ASMTL: variants seen among roughly 807,000 people sequenced by gnomAD.
The protein encoded by ASMTL is acetylserotonin O-methyltransferase like.
ASMTL carries 57 observed loss-of-function variants against 60.3 expected under a neutral mutation model. That is an observed-to-expected ratio of 0.95 (90% CI 0.76 to 1.18). The LOEUF (loss-of-function observed/expected upper bound fraction) is 1.18. ASMTL is among the 50% of genes most tolerant of loss of function. The pLI is 0.00. For synonymous variants in ASMTL, 419 were observed against 373.0 expected, an observed-to-expected ratio of 1.12 and a Z score of -1.42; for missense variants, 981 against 852.6, an observed-to-expected ratio of 1.15 and a Z score of -1.88.
intron 12 of ASMTL, among the ~76,000 whole-genome samples, chrX:1,408,057 A>C (rs761532060): frequency 2.0e-4 from 31 of 151,596 alleles, no homozygotes; most frequent in African/African-American, 7.3e-4. Flanking sequence ...AAACCCTAAC[A>C]GGGCATGATA....
chrX:1,431,451 A>G (rs181430052), intron 6 of ASMTL, among the ~76,000 whole-genome samples: 31,237 of 129,310 alleles, frequency 0.24, 4,062 homozygotes, highest in Non-Finnish European at 0.3. Context: ...ATAACAGTAT[A>G]TATTATAATA....
At chrX:1,451,189 A>T (rs868304289) in intron 1 of ASMTL, among the ~76,000 whole-genome samples, 4 of 3,244 alleles carry the variant, frequency 1.2e-3, no homozygotes, top group East Asian at 0.042. Context: ...GGGTCCTGGG[A>T]CACTCCTCCC....
chrX:1,413,181 G>A (rs1325903927), intron 11 of ASMTL: 3 of 304,506 alleles, frequency 9.9e-6, no homozygotes, highest in East Asian at 5.7e-5. Context: ...TGGGCAACAC[G>A]GCGAAACCCC....
chrX:1,434,933 G>A lies in ASMTL; in HGVS notation c.400+89C>T, dbSNP rs754144019. ...CCTCCACAGGTGGGGGTGAGCAACC[G>A]TCCTCCTCCCTCAAGCCAAGGGTCC... On this transcript the variant is annotated intron_variant, in intron 5 of 12. Transcript: ENST00000381317. 3.6e-4 allele frequency: 523 copies of A among 1,442,784 alleles called. 2 individuals carry two copies. In the South Asian group the frequency reaches 4.9e-3, roughly 14 times the overall value. 89.4% of individuals were successfully genotyped at this position (1,442,784 alleles called of 1,614,324 possible). A position where few individuals can be genotyped will look rare whatever the true frequency, so the allele number is the denominator to read the frequency against.
chrX:1,434,211 C>A (rs1246618172), intron 5 of ASMTL, among the ~76,000 whole-genome samples: 6 of 152,114 alleles, frequency 3.9e-5, no homozygotes, highest in Non-Finnish European at 1.5e-5. Flanking sequence ...ACCTGCAGTC[C>A]CAGCAATATG....
chrX:1,439,762 G>A (rs2091060845), intron 2 of ASMTL, among the ~76,000 whole-genome samples: 1 of 151,078 alleles, frequency 6.6e-6, no homozygotes, highest in Non-Finnish European at 1.5e-5. Context: ...CTTGAACCTA[G>A]GAGGCGGAGG....
At position 1,427,941 on chromosome X, in the gene ASMTL, C is replaced by T. The variant is rs751162368; in HGVS notation, c.690G>A (p.Pro230=). Residue 230 remains proline, a synonymous_variant, in exon 7 of 13, where the codon CCG becomes CCA. Coordinates refer to ENST00000381317, the MANE Select transcript of ASMTL (RefSeq NM_004192.4). The part of the protein sequence containing the change: ...LRRSVKHDSI[P]AADTFEDLSD... ...TGAGGTCTTCGAAGGTGTCCGCGGC[C>T]GGGATGGAGTCGTGCTTGACACTCC... 1.5e-5 allele frequency: 25 copies of T among 1,613,310 alleles called. No individual in the cohort carries two copies. Among genetic ancestry groups the T allele is most frequent in the South Asian group, 7.7e-5 (7 of 91,072 alleles).
intron 1 of ASMTL, among the ~76,000 whole-genome samples, chrX:1,447,824 G>C (rs2091261885): frequency 6.8e-6 from 1 of 147,212 alleles, no homozygotes; most frequent in Non-Finnish European, 1.5e-5. Context: ...CAGCTATCTT[G>C]GATAAGCACT....
intron 1 of ASMTL, among the ~76,000 whole-genome samples, chrX:1,449,030 C>G (rs770080934): frequency 6.6e-6 from 1 of 152,102 alleles, no homozygotes; most frequent in East Asian, 1.9e-4. Flanking sequence ...CATCCCAAGC[C>G]CAAGATAACC....
At chrX:1,452,538 G>A (rs1432629542) in intron 1 of ASMTL, among the ~76,000 whole-genome samples, 1 of 149,054 alleles carries the variant, frequency 6.7e-6, no homozygotes, top group African/African-American at 2.5e-5. Context: ...AGGGGGTTCC[G>A]GGTTACTCTC....
chrX:1,441,832 G>A (rs1323214861), intron 2 of ASMTL: 2 of 234,104 alleles, frequency 8.5e-6, no homozygotes, highest in African/African-American at 4.5e-5. Context: ...CATAGTAATA[G>A]ATAAGCTACA....
chrX:1,434,004 G>C (rs1253192478), intron 5 of ASMTL, among the ~76,000 whole-genome samples: 1 of 152,196 alleles, frequency 6.6e-6, no homozygotes, highest in Non-Finnish European at 1.5e-5. Context: ...GGGATATGGG[G>C]CTGGGATTGT....
intron 3 of ASMTL, among the ~76,000 whole-genome samples, chrX:1,437,792 G>A (rs1434195295): frequency 6.6e-6 from 1 of 151,512 alleles, no homozygotes; most frequent in African/African-American, 2.4e-5. Context: ...CGCTACTCGG[G>A]AGGCTGAGGC....
At chrX:1,421,232 C>A (rs1278186984) in intron 9 of ASMTL, among the ~76,000 whole-genome samples, 1 of 152,046 alleles carries the variant, frequency 6.6e-6, no homozygotes, top group Non-Finnish European at 1.5e-5. Context: ...CCCAAACTAG[C>A]TGGGATTACA....
upstream of ASMTL, chrX:1,452,910 C>A: frequency 8.0e-7 from 1 of 1,243,036 alleles, no homozygotes. Flanking sequence ...AGCGCGGCTG[C>A]AAAAAAAACA....
chrX:1,452,917 A>C, upstream of ASMTL: 4 of 1,219,236 alleles, frequency 3.3e-6, no homozygotes, highest in Non-Finnish European at 4.4e-6. Context: ...CTGCAAAAAA[A>C]ACAGGCGGCC....
Position 1,419,037 on chromosome X carries a change from G to C in ASMTL, c.1323C>G (p.Cys441Trp), listed in dbSNP as rs2090398041. Residue 441 changes from cysteine to tryptophan, a missense_variant, in exon 10 of 13, where the codon TGC becomes TGG. By Grantham distance (215) the Cys-to-Trp change is radical (BLOSUM62 -2). Coordinates refer to ENST00000381317, the MANE Select transcript of ASMTL (RefSeq NM_004192.4). Reference sequence around the variant, plus strand: ...ACAGATTGAAGGCCGTGGCCACCTGGCACGCAGTCAGCTTCGTCATGCCGT... The same window carrying C: ...ACAGATTGAAGGCCGTGGCCACCTGCCACGCAGTCAGCTTCGTCATGCCGT... ...AMHGMTKLTA[C>W]QVATAFNLSR... 1.6e-5 allele frequency: 26 copies of C among 1,611,544 alleles called. No homozygotes were observed. The highest frequency in any genetic ancestry group is 1.9e-5 in the Non-Finnish European group (23 of 1,179,726).
intron 11 of ASMTL, 66 bp downstream of exon 11, chrX:1,417,907 C>T (rs1374526074): frequency 1.4e-5 from 21 of 1,539,348 alleles, no homozygotes; most frequent in Admixed American, 3.8e-5. Context: ...ACAGCCATGC[C>T]CTCTGTCTAG....
chrX:1,451,227 A>C (rs2091372529), intron 1 of ASMTL, among the ~76,000 whole-genome samples: 6 of 69,648 alleles, frequency 8.6e-5, no homozygotes, highest in East Asian at 4.5e-4. Flanking sequence ...GTCCCAGGTC[A>C]CTCTCCCCAA....
Sources: allele counts gnomAD v4.1 joint callset (sites outside exome capture counted in the v4.1 genomes callset), GRCh38; gene constraint gnomAD v4.1.1; transcripts MANE v1.5; gene names NCBI Gene and HGNC (gene_info 2026-07-23, HGNC 2026-07-21).